Variants in FOCAD observed in about 807,000 individuals in gnomAD.
FOCAD encodes the protein KIAA1797.
In FOCAD, 198 loss-of-function variants were observed where a neutral mutation model predicts 225.6. That is an observed-to-expected ratio of 0.88 (90% CI 0.78 to 0.99). The LOEUF is 0.99. Ranked by LOEUF, FOCAD falls within the 50% of genes least tolerant of loss-of-function variation. FOCAD has a pLI of 0.00. For synonymous variants in FOCAD, 897 were observed against 755.0 expected (o/e 1.19, Z -3.08); for missense variants, 2,713 against 2,123.6 (o/e 1.28, Z -5.46).
At chr9:20,818,024 T>G (rs188765581) in intron 11 of FOCAD, among the ~76,000 whole-genome samples, 1 of 152,302 alleles carries the variant, frequency 6.6e-6, no homozygotes, top group Admixed American at 6.5e-5. Context: ...GGGTTCCAAT[T>G]TCTTCACATA....
In FOCAD at chr9:20,951,057, T is replaced by G; in HGVS notation, c.4010T>G (p.Leu1337Arg). ...AATGCAGTCTGGCTTCTTGGACATC[T>G]TCATCTATCTACTCTATCCTCAAGT... ...QSNAVWLLGH[L>R]HLSTLSSSQS... The change falls in exon 34 of 44, where the codon CTT becomes CGT. Residue 1337 changes from leucine to arginine, a missense_variant. By Grantham distance (102) the Leu-to-Arg change is moderately radical. Coordinates refer to ENST00000338382, the MANE Select transcript of FOCAD (RefSeq NM_001375567.1). The G allele has an allele frequency of 6.2e-7, 1 of 1,613,668 alleles. No homozygotes were observed. Among genetic ancestry groups the G allele is most frequent in the Non-Finnish European group, 8.5e-7 (1 of 1,179,630 alleles).
rs766165600 is a variant in FOCAD, at chr9:20,948,308, A to G, written c.3713A>G (p.His1238Arg). ...GFALALGNIVHGLSVCGHGKA... is the reference protein window; with the variant it reads ...GFALALGNIVRGLSVCGHGKA... The stretch of plus-strand genomic sequence containing the variant: ...GCCCTGGCTTTAGGAAACATAGTTC[A>G]TGGATTGTCTGTGTGTGGACATGGA... The change falls in exon 31 of 44, where the codon CAT becomes CGT. Residue 1238 changes from histidine (H) to arginine (R), a missense_variant. Coordinates refer to ENST00000338382, the MANE Select transcript of FOCAD (RefSeq NM_001375567.1). The G allele has an allele frequency of 3.1e-6, 5 of 1,611,998 alleles. No homozygotes were observed. Among genetic ancestry groups the G allele is most frequent in the Admixed American group, 3.3e-5 (2 of 59,944 alleles).
intron 18 of FOCAD, 45 bp downstream of exon 18, chr9:20,867,057 GT>G: frequency 7.6e-7 from 1 of 1,314,374 alleles, no homozygotes. Context: ...ATTTGCTAGG[GT>G]TTACAACTTT....
At chr9:20,962,913 C>T (rs1297427911) in intron 35 of FOCAD, among the ~76,000 whole-genome samples, 1 of 152,084 alleles carries the variant, frequency 6.6e-6, no homozygotes, top group African/African-American at 2.4e-5. Flanking sequence ...CTGATCATTC[C>T]TGTTGTTTAG....
At chr9:20,948,984 G>C (rs917121998) in intron 32 of FOCAD, 56 bp downstream of exon 32, 1 of 1,487,458 alleles carries the variant, frequency 6.7e-7, no homozygotes, top group African/African-American at 1.4e-5. Flanking sequence ...AGCCATAGCG[G>C]GAGAAGAATA....
intron 1 of FOCAD, among the ~76,000 whole-genome samples, chr9:20,692,896 C>G (rs1441525740): frequency 6.6e-6 from 1 of 152,112 alleles, no homozygotes; most frequent in Non-Finnish European, 1.5e-5. Flanking sequence ...CTTTGTAAAG[C>G]AGTTTGTATA....
At chr9:20,920,060 T>C (rs1357537152) in intron 24 of FOCAD, among the ~76,000 whole-genome samples, 1 of 152,062 alleles carries the variant, frequency 6.6e-6, no homozygotes, top group East Asian at 1.9e-4. Context: ...CTCAACCTAC[T>C]CATCTGACAA....
intron 1 of FOCAD, among the ~76,000 whole-genome samples, chr9:20,707,159 G>A (rs1044839473): frequency 1.6e-4 from 25 of 152,176 alleles, no homozygotes; most frequent in Non-Finnish European, 2.9e-5. Context: ...ACATCATATG[G>A]TTGCTGCTTT....
At chr9:20,859,444 AT>A (rs1828552223) in intron 15 of FOCAD, among the ~76,000 whole-genome samples, 1 of 150,652 alleles carries the variant, frequency 6.6e-6, no homozygotes, top group African/African-American at 2.4e-5. Context: ...GGTAGTCTGT[AT>A]TTTTTCCCTT....
At chr9:20,891,450 G>C (rs976806965) in intron 21 of FOCAD, among the ~76,000 whole-genome samples, 1 of 152,186 alleles carries the variant, frequency 6.6e-6, no homozygotes, top group African/African-American at 2.4e-5. Context: ...AAAGGTTCTT[G>C]AAGGAAATTA....
intron 15 of FOCAD, among the ~76,000 whole-genome samples, chr9:20,837,027 C>T (rs1826054427): frequency 6.6e-6 from 1 of 152,058 alleles, no homozygotes; most frequent in Non-Finnish European, 1.5e-5. Flanking sequence ...CTTTTCTCTG[C>T]TCTCTGCCCT....
intron 26 of FOCAD, among the ~76,000 whole-genome samples, chr9:20,927,498 T>G (rs1458703349): frequency 6.6e-6 from 1 of 152,070 alleles, no homozygotes; most frequent in African/African-American, 2.4e-5. Flanking sequence ...TGTTAAATAC[T>G]CTATAAATAC....
intron 15 of FOCAD, among the ~76,000 whole-genome samples, chr9:20,859,912 G>C (rs1274099953): frequency 6.6e-6 from 1 of 151,782 alleles, no homozygotes; most frequent in African/African-American, 2.4e-5. Context: ...AGGAGCTTAG[G>C]GGACAATCAA....
chr9:20,971,400 G>T (rs1839749394), intron 35 of FOCAD, among the ~76,000 whole-genome samples: 1 of 151,920 alleles, frequency 6.6e-6, no homozygotes, highest in Non-Finnish European at 1.5e-5. Context: ...GTAGTGATAA[G>T]TACACAATGT....
At chr9:20,828,506 C>T (rs1259035431) in intron 15 of FOCAD, among the ~76,000 whole-genome samples, 2 of 152,052 alleles carry the variant, frequency 1.3e-5, no homozygotes, top group Non-Finnish European at 2.9e-5. Context: ...TGAGGAACTG[C>T]CAGACTATTT....
intron 39 of FOCAD, among the ~76,000 whole-genome samples, chr9:20,983,327 A>G (rs1587783466): frequency 1.3e-5 from 2 of 152,230 alleles, no homozygotes; most frequent in East Asian, 3.9e-4. Context: ...TAATCCCAGC[A>G]CTTTGGGAGG....
Position 20,781,929 on chromosome 9 carries a change from G to A in FOCAD, c.1197G>A (p.Lys399=). ...QQECYRDDHQ[K]LSYKLVCPVT... is the part of the protein sequence containing the mutation. ...AATGTTACAGAGATGACCACCAAAA[G>A]GTAATGAATCTATCCTTGTTTCTCT... The change falls in exon 10 of 44, where the codon AAG becomes AAA. Residue 399 remains lysine (K), a splice_region_variant and synonymous_variant. Coordinates refer to ENST00000338382, the MANE Select transcript of FOCAD (RefSeq NM_001375567.1). 1 of 1,613,136 alleles carries A rather than the reference G, an allele frequency of 6.2e-7. No individual in the cohort carries two copies. The highest frequency in any genetic ancestry group is 2.2e-5 in the East Asian group (1 of 44,832).
chr9:20,969,477 T>A (rs2132527935), intron 35 of FOCAD, among the ~76,000 whole-genome samples: 1 of 152,212 alleles, frequency 6.6e-6, no homozygotes, highest in Non-Finnish European at 1.5e-5. Flanking sequence ...GTGTTTCTAA[T>A]TGTTAAATTT....
At chr9:20,939,149 TCA>T (rs1836359003) in intron 28 of FOCAD, among the ~76,000 whole-genome samples, 1 of 12,942 alleles carries the variant, frequency 7.7e-5, no homozygotes, top group African/African-American at 1.8e-4. Context: ...GACTCTCTTC[TCA>T]AAAAAAAAAA....
Sources: allele counts gnomAD v4.1 joint callset (sites outside exome capture counted in the v4.1 genomes callset), GRCh38; gene constraint gnomAD v4.1.1; transcripts MANE v1.5; gene names NCBI Gene and HGNC (gene_info 2026-07-23, HGNC 2026-07-21).